Variants in EXOSC1 observed in about 807,000 individuals in gnomAD.
EXOSC1 encodes exosome component 1, also known as exosome complex component CSL4.
In EXOSC1, 27 loss-of-function variants were observed where a neutral mutation model predicts 31.4. The ratio of observed to expected loss-of-function variants is 0.86; its 90% CI spans 0.63 to 1.18. The LOEUF (loss-of-function observed/expected upper bound fraction) is 1.18, where lower values mean the gene tolerates loss of function less well. Among genes scored for constraint, EXOSC1 ranks in the 50% most tolerant of loss-of-function variants. EXOSC1 has a pLI of 0.00. For synonymous variants in EXOSC1, 84 were observed against 89.5 expected, an observed-to-expected ratio of 0.94 and a Z score of 0.35; for missense variants, 228 against 250.3, an observed-to-expected ratio of 0.91 and a Z score of 0.60.
chr10:97,440,355 T>G (rs190810031), intron 4 of EXOSC1, among the ~76,000 whole-genome samples: 23 of 152,178 alleles, frequency 1.5e-4, no homozygotes, highest in African/African-American at 5.1e-4. Flanking sequence ...TTTATTTATT[T>G]ATTTGTTTTT....
At chr10:97,445,526 T>G in intron 2 of EXOSC1, 1 of 554,154 alleles carries the variant, frequency 1.8e-6, no homozygotes, top group Non-Finnish European at 3.1e-6. Context: ...TCCCCGAGGG[T>G]CAGCAGCACA....
chr10:97,445,615 C>T (rs1845929792), intron 2 of EXOSC1, 117 bp downstream of exon 2: 5 of 874,160 alleles, frequency 5.7e-6, no homozygotes, highest in South Asian at 3.4e-5. Flanking sequence ...AACTAAGAGA[C>T]CAACATTGTA....
chr10:97,438,530 C>T (rs1226173829), intron 5 of EXOSC1, 140 bp downstream of exon 5: 2 of 758,608 alleles, frequency 2.6e-6, no homozygotes, highest in East Asian at 2.5e-5. Context: ...GTCTTGAAGT[C>T]CTGGACTCAA....
In EXOSC1 at chr10:97,437,751, C is replaced by G. The variant is rs759188341; in HGVS notation, c.346-1G>C. ...GGCGGAAACTCTTATAAATTTCAAC[C>G]TGTAAAGAAAGAACAGGAATGTTAA... On this transcript the variant is annotated splice_acceptor_variant, in intron 5 of 7. Coordinates refer to ENST00000370902, the MANE Select transcript of EXOSC1 (RefSeq NM_016046.5). LOFTEE classifies it high-confidence loss of function. 3 of 1,612,752 alleles carry G rather than the reference C, an allele frequency of 1.9e-6. No individual in the cohort carries two copies. The South Asian group carries it at 3.3e-5, about 18-fold the overall frequency.
At chr10:97,445,669 G>C (rs1845937043) in intron 2 of EXOSC1, 63 bp downstream of exon 2, 1 of 1,505,250 alleles carries the variant, frequency 6.6e-7, no homozygotes, top group South Asian at 1.2e-5. Context: ...CATGCCTAAG[G>C]ACTGGAACTC....
intron 4 of EXOSC1, chr10:97,440,851 C>A: frequency 5.3e-6 from 1 of 190,028 alleles, no homozygotes; most frequent in African/African-American, 2.4e-5. Flanking sequence ...GGGGTTTCAC[C>A]ATGTTGGCTA....
chr10:97,438,999 G>A (rs1041383962), intron 4 of EXOSC1, among the ~76,000 whole-genome samples: 2 of 152,108 alleles, frequency 1.3e-5, no homozygotes, highest in South Asian at 4.1e-4. Context: ...TGATCCACCC[G>A]CCTCAGCTTC....
intron 5 of EXOSC1, among the ~76,000 whole-genome samples, chr10:97,438,210 C>A (rs762618444): frequency 5.3e-5 from 8 of 152,042 alleles, no homozygotes; most frequent in South Asian, 2.1e-4. Context: ...ATCCACTGCA[C>A]CCGGCCCTTT....
intron 4 of EXOSC1, among the ~76,000 whole-genome samples, chr10:97,440,431 C>T (rs1219102562): frequency 6.6e-6 from 1 of 152,196 alleles, no homozygotes; most frequent in Non-Finnish European, 1.5e-5. Context: ...TCACTGCAAC[C>T]TCTGCCTCCT....
chr10:97,443,155 A>C, intron 3 of EXOSC1, 82 bp downstream of exon 3: 3 of 1,173,570 alleles, frequency 2.6e-6, no homozygotes, highest in Non-Finnish European at 3.7e-6. Context: ...TGTGGCTATC[A>C]TACTGGACAC....
At chr10:97,440,539 GAC>G (rs1234622612) in intron 4 of EXOSC1, among the ~76,000 whole-genome samples, 3 of 142,720 alleles carry the variant, frequency 2.1e-5, no homozygotes, top group Admixed American at 7.2e-5. Flanking sequence ...TTTTTTTAAA[GAC>G]AGAGTCTCGC....
intron 1 of EXOSC1, 21 bp from the exon 2 acceptor site, chr10:97,445,868 CG>C: frequency 6.2e-7 from 1 of 1,613,536 alleles, no homozygotes; most frequent in East Asian, 2.2e-5. Context: ...AATGCTGCAT[CG>C]GTCACGGGCC....
rs762197185 is a variant in EXOSC1 at position 97,436,437 on chromosome 10, G to A, written c.*8C>T. ...CTTACCCCCTTCCATAGGGTAAAAAGTGGCTTCTTAGGTCTGCAAGAATTC... is the reference window on the plus strand; with the variant it reads ...CTTACCCCCTTCCATAGGGTAAAAAATGGCTTCTTAGGTCTGCAAGAATTC... On this transcript the variant is annotated 3_prime_UTR_variant, in exon 8 of 8. Transcript: ENST00000370902. 3.8e-6 allele frequency: 6 copies of A among 1,599,932 alleles called. 1 individual carries two copies. Among genetic ancestry groups the A allele is most frequent in the Non-Finnish European group, 5.1e-6 (6 of 1,167,506 alleles).
At chr10:97,437,312 T>G in intron 6 of EXOSC1, 37 bp from the exon 7 acceptor site, 11 of 1,516,198 alleles carry the variant, frequency 7.3e-6, no homozygotes, top group Non-Finnish European at 9.1e-6. Context: ...AATGAGGAGT[T>G]AGAAGTCTTC....
At chr10:97,438,929 T>C (rs920430768) in intron 4 of EXOSC1, among the ~76,000 whole-genome samples, 4 of 151,842 alleles carry the variant, frequency 2.6e-5, no homozygotes, top group African/African-American at 9.7e-5. Flanking sequence ...TTTTTGTATT[T>C]TTAGTAGAGA....
intron 3 of EXOSC1, 60 bp downstream of exon 3, chr10:97,443,177 T>C (rs1589467764): frequency 7.1e-7 from 1 of 1,411,952 alleles, no homozygotes; most frequent in Non-Finnish European, 1.0e-6. Context: ...GCAGTTCTGG[T>C]ATGGTCATGA....
chr10:97,439,789 C>T (rs1845658009), intron 4 of EXOSC1, among the ~76,000 whole-genome samples: 1 of 152,124 alleles, frequency 6.6e-6, no homozygotes, highest in Admixed American at 6.6e-5. Context: ...TACAGAACCA[C>T]ATCAAATCCT....
intron 5 of EXOSC1, 32 bp downstream of exon 5, chr10:97,438,638 A>G: frequency 6.2e-7 from 1 of 1,603,052 alleles, no homozygotes; most frequent in Non-Finnish European, 8.5e-7. Flanking sequence ...GAGATACGTA[A>G]AGCCATTAAA....
Position 97,436,429 on chromosome 10 carries a change from G to T in EXOSC1, c.*16C>A, listed in dbSNP as rs1395681404. On this transcript the variant is annotated 3_prime_UTR_variant, in exon 8 of 8. Coordinates refer to ENST00000370902, the MANE Select transcript of EXOSC1 (RefSeq NM_016046.5). ...AGGAACAGCTTACCCCCTTCCATAGGGTAAAAAGTGGCTTCTTAGGTCTGC... is the reference window on the plus strand; with the variant it reads ...AGGAACAGCTTACCCCCTTCCATAGTGTAAAAAGTGGCTTCTTAGGTCTGC... The T allele has an allele frequency of 2.5e-6, 4 of 1,578,012 alleles. No homozygotes were observed. Among genetic ancestry groups the T allele is most frequent in the South Asian group, 1.1e-5 (1 of 90,136 alleles).
Sources: gnomAD v4.1 joint callset for allele counts (sites outside exome capture counted in the v4.1 genomes callset) on GRCh38, gnomAD v4.1.1 for gene constraint, MANE v1.5 for transcripts, NCBI Gene and HGNC (gene_info 2026-07-23, HGNC 2026-07-21) for gene names.